The following PALLD variants were observed in gnomAD, a reference collection of about 807,000 sequenced individuals.
PALLD encodes the protein palladin.
PALLD carries 61 observed loss-of-function variants against 123.5 expected under a neutral mutation model. That is an observed-to-expected ratio of 0.49 (90% confidence interval 0.40 to 0.61). The LOEUF (loss-of-function observed/expected upper bound fraction) is 0.61, where lower values mean the gene tolerates loss of function less well. Among genes scored for constraint, PALLD ranks in the 20% least tolerant of loss-of-function variants. The pLI is 0.00. For synonymous variants in PALLD, 465 were observed against 496.4 expected (o/e 0.94, Z 0.84); for missense variants, 1,273 against 1,377.0 (o/e 0.92, Z 1.20).
intron 10 of PALLD, among the ~76,000 whole-genome samples, chr4:168,857,714 A>G (rs1748804323): frequency 6.6e-6 from 1 of 152,236 alleles, no homozygotes. Flanking sequence ...TTCAGGGAGC[A>G]GTGGCAGATC....
chr4:168,641,201 C>G (rs1776910841), intron 2 of PALLD, among the ~76,000 whole-genome samples: 1 of 142,222 alleles, frequency 7.0e-6, no homozygotes, highest in Non-Finnish European at 1.5e-5. Flanking sequence ...GAGCGAGACT[C>G]CATCTCAAAA....
At chr4:168,638,736 G>A (rs947455510) in intron 2 of PALLD, among the ~76,000 whole-genome samples, 13 of 151,984 alleles carry the variant, frequency 8.6e-5, no homozygotes, top group African/African-American at 1.7e-4. Context: ...TATTTTATAG[G>A]GGCACTAACC....
At chr4:168,667,788 A>G (rs1779798610) in intron 2 of PALLD, among the ~76,000 whole-genome samples, 1 of 152,230 alleles carries the variant, frequency 6.6e-6, no homozygotes, top group Non-Finnish European at 1.5e-5. Context: ...CTTTTCATAT[A>G]TTAAATATTT....
chr4:168,823,998 A>G (rs1260829159), intron 10 of PALLD, among the ~76,000 whole-genome samples: 1 of 152,224 alleles, frequency 6.6e-6, no homozygotes, highest in Non-Finnish European at 1.5e-5. Context: ...TTGTACTTGT[A>G]CCACCCACAA....
At chr4:168,591,080 T>G (rs1340863130) in intron 2 of PALLD, among the ~76,000 whole-genome samples, 2 of 152,056 alleles carry the variant, frequency 1.3e-5, no homozygotes, top group African/African-American at 2.4e-5. Context: ...AGTTTCGCCA[T>G]GTTGGCCAAG....
intron 2 of PALLD, among the ~76,000 whole-genome samples, chr4:168,608,120 T>C (rs1773367441): frequency 6.6e-6 from 1 of 152,208 alleles, no homozygotes; most frequent in Non-Finnish European, 1.5e-5. Context: ...AGTTAAACAA[T>C]CGCTGTGGCT....
At chr4:168,691,646 C>G (rs571463800) in intron 8 of PALLD, among the ~76,000 whole-genome samples, 57 of 152,224 alleles carry the variant, frequency 3.7e-4, no homozygotes, top group African/African-American at 1.2e-3. Flanking sequence ...CAATCTACTG[C>G]CTATTTGTAC....
chr4:168,874,649 ATTTT>A (rs5863964), intron 10 of PALLD, among the ~76,000 whole-genome samples: 1 of 150,016 alleles, frequency 6.7e-6, no homozygotes, highest in South Asian at 2.1e-4. Context: ...ATAGCCACAG[ATTTT>A]TTTTTTTAAG....
chr4:168,880,928 GAGAC>G (rs1319654866), intron 10 of PALLD, among the ~76,000 whole-genome samples: 1 of 151,338 alleles, frequency 6.6e-6, no homozygotes, highest in Non-Finnish European at 1.5e-5. Context: ...CTTTTTTTCT[GAGAC>G]AGTCTTGTTC....
At chr4:168,755,408 C>T (rs990184233) in intron 10 of PALLD, among the ~76,000 whole-genome samples, 3 of 150,120 alleles carry the variant, frequency 2.0e-5, no homozygotes, top group Admixed American at 6.6e-5. Context: ...GGAAAGATCA[C>T]GTTTTTAAGC....
At chr4:168,634,185 G>A (rs1367859616) in intron 2 of PALLD, among the ~76,000 whole-genome samples, 1 of 152,178 alleles carries the variant, frequency 6.6e-6, no homozygotes, top group East Asian at 1.9e-4. Context: ...TCACTTGGAC[G>A]TCCTTTCAAA....
At chr4:168,688,773 G>A (rs151200449) in intron 6 of PALLD, among the ~76,000 whole-genome samples, 3,066 of 151,406 alleles carry the variant, frequency 0.02, 95 homozygotes, top group South Asian at 0.14. Context: ...TTGACTTTCC[G>A]ACACTGAAAA....
At chr4:168,861,772 C>G (rs1376438017) in intron 10 of PALLD, among the ~76,000 whole-genome samples, 2 of 152,094 alleles carry the variant, frequency 1.3e-5, no homozygotes, top group Admixed American at 1.3e-4. Flanking sequence ...CCTCCCATCT[C>G]AGCCTCCCGA....
At chr4:168,838,170 T>G (rs1468993469) in intron 10 of PALLD, among the ~76,000 whole-genome samples, 1 of 152,154 alleles carries the variant, frequency 6.6e-6, no homozygotes, top group Non-Finnish European at 1.5e-5. Context: ...TGGGGAGGTA[T>G]CCAAGAATGA....
At chr4:168,515,157 T>A (rs577345491) in intron 2 of PALLD, among the ~76,000 whole-genome samples, 17 of 152,354 alleles carry the variant, frequency 1.1e-4, no homozygotes, top group South Asian at 1.0e-3. Context: ...TTGGATTTTT[T>A]AAATTTCTGT....
At chr4:168,795,027 C>T (rs1042497938) in intron 10 of PALLD, among the ~76,000 whole-genome samples, 1 of 152,164 alleles carries the variant, frequency 6.6e-6, no homozygotes, top group Non-Finnish European at 1.5e-5. Flanking sequence ...GAAGGCTGGC[C>T]TCTCACTGTG....
intron 8 of PALLD, among the ~76,000 whole-genome samples, chr4:168,703,927 G>A (rs1274723910): frequency 6.6e-6 from 1 of 151,868 alleles, no homozygotes; most frequent in Non-Finnish European, 1.5e-5. Context: ...GATCCCATGT[G>A]TCAATTTTGG....
rs546077555 is a variant in PALLD, at chr4:168,812,032, C to T, written c.1965-78890C>T. ...CTTTTGTTTGACAATATAGAAAAGGCCAAAAGTATAAAGCAGGACATCAAG... is the reference window on the plus strand; with the variant it reads ...CTTTTGTTTGACAATATAGAAAAGGTCAAAAGTATAAAGCAGGACATCAAG... On this transcript the variant is annotated intron_variant, in intron 10 of 21. Transcript: ENST00000505667. 9.2e-4 allele frequency among the ~76,000 whole-genome samples: 139 copies of T among 151,688 alleles called. 2 individuals are homozygous for T. Among genetic ancestry groups the T allele is most frequent in the African/African-American group, 3.2e-3 (131 of 41,296 alleles).
chr4:168,668,663 G>A (rs1779886218), intron 3 of PALLD, among the ~76,000 whole-genome samples: 1 of 152,110 alleles, frequency 6.6e-6, no homozygotes. Flanking sequence ...AGTAAATGAA[G>A]CATAGAAACA....
Sources: gnomAD v4.1 joint callset for allele counts (sites outside exome capture counted in the v4.1 genomes callset) on GRCh38, gnomAD v4.1.1 for gene constraint, MANE v1.5 for transcripts, NCBI Gene and HGNC (gene_info 2026-07-23, HGNC 2026-07-21) for gene names.